Variants in EIF4G1 observed in about 807,000 individuals in gnomAD.
The protein encoded by EIF4G1 is eukaryotic translation initiation factor 4 gamma 1, also known as EIF4-gamma.
EIF4G1 carries 4 observed loss-of-function variants against 187.8 expected under a neutral mutation model. That is an observed-to-expected ratio of 0.02 (90% CI 0.01 to 0.05). The LOEUF (loss-of-function observed/expected upper bound fraction) is 0.05. Ranked by LOEUF, EIF4G1 falls within the 10% of genes least tolerant of loss-of-function variation. The probability of loss-of-function intolerance (pLI) is 1.00; values close to 1 mark genes in which losing one functional copy is unlikely to be tolerated. For missense variants in EIF4G1, 1,647 were observed against 2,081.1 expected, an observed-to-expected ratio of 0.79 and a Z score of 4.06; for synonymous variants, 844 against 781.4, an observed-to-expected ratio of 1.08 and a Z score of -1.34.
At chr3:184,319,426 G>GGTGTGTGTGTGTGTGT (rs1168140244) in intron 6 of EIF4G1, among the ~76,000 whole-genome samples, 5 of 112,876 alleles carry the variant, frequency 4.4e-5, no homozygotes, top group Admixed American at 9.1e-5. Flanking sequence ...GCCTACGAGG[G>GGTGTGTGTGTGTGTGT]GTGTGTGTGT....
chr3:184,329,150 G>A (rs146417630), intron 28 of EIF4G1, 160 bp downstream of exon 28: 20 of 806,620 alleles, frequency 2.5e-5, no homozygotes, highest in African/African-American at 1.7e-4. Flanking sequence ...GCCATCTCCC[G>A]CACACCAGTT....
At chr3:184,315,294 C>T (rs142244056) in intron 1 of EIF4G1, 195 bp from the exon 2 acceptor site, 12,552 of 469,008 alleles carry the variant, frequency 0.027, 245 homozygotes, top group Middle Eastern at 0.048. Context: ...GGTTCCCCGG[C>T]GGCAGGCGTA....
In EIF4G1 at chr3:184,317,824, G is replaced by A. The variant is rs369147609; in HGVS notation, c.424+8G>A. The A allele has an allele frequency of 6.2e-7, 1 of 1,604,962 alleles. No individual in the cohort carries two copies. Among genetic ancestry groups the A allele is most frequent in the Non-Finnish European group, 8.5e-7 (1 of 1,171,912 alleles). ...CAGAATTTGGGACCTACGGTAAGCA[G>A]GGGAGGGAGTCAGAGGTGAGAACAA... On this transcript the variant is annotated splice_region_variant and intron_variant, in intron 6 of 32. Transcript: ENST00000346169.
chr3:184,318,770 A>C (rs1723237957), intron 6 of EIF4G1, among the ~76,000 whole-genome samples: 1 of 149,096 alleles, frequency 6.7e-6, no homozygotes, highest in South Asian at 2.1e-4. Context: ...ACACCCAGCT[A>C]ATTTTTGTGT....
In EIF4G1 at chr3:184,321,883, G is replaced by A. The variant is rs1206702478; in HGVS notation, c.1299G>A (p.Ala433=). Residue 433 remains alanine (A), a synonymous_variant, in exon 10 of 33, where the codon GCG becomes GCA. Coordinates refer to ENST00000346169, the MANE Select transcript of EIF4G1 (RefSeq NM_198241.3). ...CCAAGGAGGTGACAGCATCAATGGC[G>A]CCCCCCACCATCCCCTCTGCTACTC... ...EQAKEVTASM[A]PPTIPSATPA... is the part of the protein sequence containing the mutation. 20 of 1,613,914 alleles carry A rather than the reference G, an allele frequency of 1.2e-5. No individual in the cohort carries two copies. In the East Asian group the frequency reaches 2.7e-4, roughly 22 times the overall value.
intron 7 of EIF4G1, among the ~76,000 whole-genome samples, chr3:184,320,131 G>GC (rs1390092836): frequency 1.1e-5 from 1 of 94,610 alleles, no homozygotes; most frequent in African/African-American, 4.0e-5. Context: ...ATTCCCCCCT[G>GC]CCCCCCCAGT....
At position 184,324,941 on chromosome 3, in the gene EIF4G1, T is replaced by C; in HGVS notation, c.2683T>C (p.Ser895Pro). 6.2e-7 allele frequency: 1 copy of C among 1,614,224 alleles called. No individual in the cohort carries two copies. The highest frequency in any genetic ancestry group is 8.5e-7 in the Non-Finnish European group (1 of 1,180,050). Residue 895 changes from serine (S) to proline (P), a missense_variant, in exon 18 of 33, where the codon TCT becomes CCT. This residue lies in a region of EIF4G1 where 142 missense variants were observed against 296.6 expected (regional missense o/e 0.48). Coordinates refer to ENST00000346169, the MANE Select transcript of EIF4G1 (RefSeq NM_198241.3). ...EEARDIARRR[S>P]LGNIKFIGEL... Reference sequence around the variant, plus strand: ...GGCTCGGGACATAGCCCGGCGGCGCTCTTTAGGGAATATCAAGTTTATTGG... The same window carrying C: ...GGCTCGGGACATAGCCCGGCGGCGCCCTTTAGGGAATATCAAGTTTATTGG...
intron 28 of EIF4G1, 115 bp from the exon 29 acceptor site, chr3:184,331,151 C>A: frequency 9.0e-7 from 1 of 1,112,164 alleles, no homozygotes; most frequent in Non-Finnish European, 1.4e-6. Context: ...ATCCTTAATG[C>A]CTAGCAAGTA....
At chr3:184,320,164 G>A (rs1054281298) in intron 7 of EIF4G1, 3 of 627,718 alleles carry the variant, frequency 4.8e-6, no homozygotes, top group African/African-American at 2.1e-5. Flanking sequence ...CAAGGCCTCC[G>A]CCTCTGCTCA....
At position 184,325,582 on chromosome 3, in the gene EIF4G1, C is replaced by G; in HGVS notation, c.3064C>G (p.Gln1022Glu). The G allele has an allele frequency of 6.2e-7, 1 of 1,614,232 alleles. No homozygotes were observed. Among genetic ancestry groups the G allele is most frequent in the Non-Finnish European group, 8.5e-7 (1 of 1,180,042 alleles). The change falls in exon 20 of 33, where the codon CAG (glutamine) becomes GAG (glutamate). Residue 1022 changes from glutamine to glutamate, a missense_variant. Physicochemically the swap from Gln to Glu is conservative, Grantham distance 29. This residue lies in a region of EIF4G1 where 142 missense variants were observed against 296.6 expected (regional missense o/e 0.48). Coordinates refer to ENST00000346169, the MANE Select transcript of EIF4G1 (RefSeq NM_198241.3). The surrounding 1 kb of genome is among the most constrained non-coding windows in gnomAD (Gnocchi z 5.2). ...EEHREHIKVQ[Q>E]LMAKGSDKRR... ...ACATCGAGAGCACATCAAAGTGCAG[C>G]AGCTCATGGCCAAGGGCAGTGACAA...
chr3:184,318,189 T>C (rs917497278), intron 6 of EIF4G1, among the ~76,000 whole-genome samples: 1 of 152,210 alleles, frequency 6.6e-6, no homozygotes, highest in Non-Finnish European at 1.5e-5. Context: ...GTCTGTTCTT[T>C]ATGGCAGTGG....
chr3:184,325,962 G>A lies in EIF4G1; in HGVS notation c.3222+11G>A. On this transcript the variant is annotated intron_variant, in intron 21 of 32. Coordinates refer to ENST00000346169, the MANE Select transcript of EIF4G1 (RefSeq NM_198241.3). This position sits in a 1 kb window ranked among gnomAD's most constrained non-coding sequence, Gnocchi z 5.2. ...ACCAAGATCACCAAGGTAGGGGTGT[G>A]TGTGGGAGTGGGTGATTCAGCTCAG... The A allele has an allele frequency of 6.2e-7, 1 of 1,613,724 alleles. No individual in the cohort carries two copies. Among genetic ancestry groups the A allele is most frequent in the African/African-American group, 1.3e-5 (1 of 75,032 alleles).
intron 28 of EIF4G1, chr3:184,329,282 A>G (rs1490119248): frequency 4.3e-6 from 2 of 464,050 alleles, no homozygotes; most frequent in Non-Finnish European, 7.9e-6. Flanking sequence ...TTTATCATAT[A>G]CTAAGCACTA....
rs765972048 is a variant in EIF4G1, at chr3:184,320,940, T to C, written c.644T>C (p.Leu215Pro). ...TGTGTCCTGCAGACGGGAGGCGGTC[T>C]GGAGCCTCAAGCTAATGGGGAGACG... ...TPTPPQTGGG[L>P]EPQANGETPQ... The change falls in exon 9 of 33, where the codon CTG (leucine) becomes CCG (proline). Residue 215 changes from leucine to proline, a missense_variant. Transcript: ENST00000346169. 6.2e-7 allele frequency: 1 copy of C among 1,614,224 alleles called. No homozygotes were observed. The highest frequency in any genetic ancestry group is 1.7e-5 in the Admixed American group (1 of 60,028).
In EIF4G1 at chr3:184,324,490, C is replaced by G. The variant is rs1291575350; in HGVS notation, c.2619+143C>G. On this transcript the variant is annotated intron_variant, in intron 17 of 32. Coordinates refer to ENST00000346169, the MANE Select transcript of EIF4G1 (RefSeq NM_198241.3). ...AGGACGTTTTTTTTCCTTTTTGAGACAGTCTTGCTCTGTCACCCAGGCTGG... is the reference window on the plus strand; with the variant it reads ...AGGACGTTTTTTTTCCTTTTTGAGAGAGTCTTGCTCTGTCACCCAGGCTGG... 27 of 1,252,042 alleles carry G rather than the reference C, an allele frequency of 2.2e-5. No individual in the cohort carries two copies. In the South Asian group the frequency reaches 3.4e-4, roughly 16 times the overall value. 77.6% of individuals were successfully genotyped at this position (1,252,042 alleles called of 1,614,324 possible).
rs767701674 is a variant in EIF4G1, at chr3:184,331,936, C to T, written c.4478-10C>T. ...GGTATATTGCTCCACTCATCCCTGT[C>T]TTCTTGTAGTTGAGACTCCCCTCCG... On this transcript the variant is annotated splice_polypyrimidine_tract_variant and intron_variant, in intron 31 of 32. Transcript: ENST00000346169. 5 of 1,614,142 alleles carry T rather than the reference C, an allele frequency of 3.1e-6. No individual in the cohort carries two copies. Among genetic ancestry groups the T allele is most frequent in the Non-Finnish European group, 4.2e-6 (5 of 1,180,036 alleles).
intron 7 of EIF4G1, chr3:184,320,160 C>CT: frequency 1.3e-6 from 1 of 764,936 alleles, no homozygotes; most frequent in Non-Finnish European, 1.8e-6. Context: ...CTCTCAAGGC[C>CT]TCCGCCTCTG....
chr3:184,315,114 G>C (rs894997758), intron 1 of EIF4G1: 1 of 329,436 alleles, frequency 3.0e-6, no homozygotes, highest in African/African-American at 2.3e-5. Context: ...GGAGGCGGTG[G>C]CGGCGGGCAG....
chr3:184,319,536 C>T (rs1265180578), intron 6 of EIF4G1, 153 bp from the exon 7 acceptor site: 2 of 662,312 alleles, frequency 3.0e-6, no homozygotes, highest in Non-Finnish European at 2.8e-6. Context: ...TTGACAGACA[C>T]CTAATTCCCT....
Sources: gnomAD v4.1 joint callset for allele counts (sites outside exome capture counted in the v4.1 genomes callset) on GRCh38, gnomAD v4.1.1 for gene constraint, gnomAD v4.1.1 regional missense constraint, Gnocchi (gnomAD v3.1) non-coding constraint, MANE v1.5 for transcripts, NCBI Gene and HGNC (gene_info 2026-07-23, HGNC 2026-07-21) for gene names.